Variants in THSD7A observed in about 807,000 individuals in gnomAD.
THSD7A encodes thrombospondin type-1 domain-containing protein 7A.
Under a neutral mutation model 231.3 loss-of-function variants are expected in THSD7A, and 96 were observed. The observed-to-expected ratio is 0.41, with a 90% CI of 0.35 to 0.49. THSD7A has a LOEUF of 0.49. THSD7A is among the 20% of genes least tolerant of loss of function. The probability of loss-of-function intolerance (pLI) is 0.05; values close to 1 mark genes in which losing one functional copy is unlikely to be tolerated. For synonymous variants in THSD7A, 940 were observed against 743.3 expected (o/e 1.26, Z -4.30); for missense variants, 2,290 against 2,070.2 (o/e 1.11, Z -2.06).
At position 11,444,014 on chromosome 7, in the gene THSD7A, G is replaced by T. The variant is rs918772176; in HGVS notation, c.3064+2047C>A. Among the ~76,000 whole-genome samples, 1 of 152,020 alleles carries T rather than the reference G, an allele frequency of 6.6e-6. No individual in the cohort carries two copies. Among genetic ancestry groups the T allele is most frequent in the Non-Finnish European group, 1.5e-5 (1 of 68,014 alleles). On this transcript the variant is annotated intron_variant, in intron 13 of 27. Coordinates refer to ENST00000423059, the MANE Select transcript of THSD7A (RefSeq NM_015204.3). This position sits in a 1 kb window ranked among gnomAD's most constrained non-coding sequence, Gnocchi z 4.2. ...GGATATGAACAGGCAGTTCTCAAAA[G>T]ACGACATTTATGTGGCTAACAAACA...
intron 1 of THSD7A, among the ~76,000 whole-genome samples, chr7:11,826,763 G>A (rs1350125730): frequency 6.9e-6 from 1 of 144,202 alleles, no homozygotes. Context: ...AGTGAGCCAA[G>A]ATCATGCCAC....
At chr7:11,470,888 C>T (rs1350038869) in intron 8 of THSD7A, among the ~76,000 whole-genome samples, 1 of 151,806 alleles carries the variant, frequency 6.6e-6, no homozygotes, top group African/African-American at 2.4e-5. Context: ...TTCATATAAG[C>T]TTTCACTTCT....
chr7:11,763,003 A>C (rs1400005399), intron 1 of THSD7A, among the ~76,000 whole-genome samples: 1 of 152,200 alleles, frequency 6.6e-6, no homozygotes, highest in East Asian at 1.9e-4. Flanking sequence ...AACAATCCTA[A>C]GCAAACATAA....
intron 4 of THSD7A, among the ~76,000 whole-genome samples, chr7:11,555,350 G>T (rs550863767): frequency 6.6e-6 from 1 of 152,018 alleles, no homozygotes; most frequent in South Asian, 2.1e-4. Flanking sequence ...TGATTGTTTA[G>T]AAGTGTGTTG....
chr7:11,419,670 G>C (rs545871312), intron 16 of THSD7A, among the ~76,000 whole-genome samples: 170 of 152,316 alleles, frequency 1.1e-3, no homozygotes, highest in African/African-American at 3.9e-3. Flanking sequence ...AATGGGCAGA[G>C]GTTGGAACAG....
In THSD7A at chr7:11,444,696, C is replaced by T. The variant is rs1784906170; in HGVS notation, c.3064+1365G>A. On this transcript the variant is annotated intron_variant, in intron 13 of 27. Transcript: ENST00000423059. This position sits in a 1 kb window ranked among gnomAD's most constrained non-coding sequence, Gnocchi z 4.2. ...AGCAAACCACCATGGTACGTGTATACCTATGTTGCAAACCTGCACTTTCTG... is the reference window on the plus strand; with the variant it reads ...AGCAAACCACCATGGTACGTGTATATCTATGTTGCAAACCTGCACTTTCTG... Among the ~76,000 whole-genome samples the T allele has an allele frequency of 1.3e-5, 2 of 151,270 alleles. No individual in the cohort carries two copies. The highest frequency in any genetic ancestry group is 2.4e-5 in the African/African-American group (1 of 41,136).
At chr7:11,407,269 G>T in intron 20 of THSD7A, 37 bp downstream of exon 20, 2 of 1,536,724 alleles carry the variant, frequency 1.3e-6, no homozygotes, top group South Asian at 1.2e-5. Context: ...CATATTCCTT[G>T]ACCAGTAGCC....
chr7:11,740,877 A>G (rs927479432), intron 1 of THSD7A, among the ~76,000 whole-genome samples: 2 of 152,036 alleles, frequency 1.3e-5, no homozygotes, highest in Admixed American at 6.6e-5. Flanking sequence ...GTCCTGGAAC[A>G]TAGTAAGCAC....
At chr7:11,546,329 C>T (rs1471389644) in intron 4 of THSD7A, among the ~76,000 whole-genome samples, 1 of 152,174 alleles carries the variant, frequency 6.6e-6, no homozygotes, top group Non-Finnish European at 1.5e-5. Context: ...TGCCAGCACC[C>T]TCCATCAGAG....
intron 7 of THSD7A, among the ~76,000 whole-genome samples, chr7:11,476,681 G>A (rs1156895065): frequency 6.6e-6 from 1 of 151,938 alleles, no homozygotes; most frequent in Non-Finnish European, 1.5e-5. Context: ...GTCAGGCATG[G>A]TGGTGCTCCT....
chr7:11,752,360 C>T (rs1229577224), intron 1 of THSD7A, among the ~76,000 whole-genome samples: 1 of 152,002 alleles, frequency 6.6e-6, no homozygotes, highest in Non-Finnish European at 1.5e-5. Context: ...TGTGCACCCC[C>T]ACATTTTTCT....
chr7:11,829,802 T>TA (rs36013878), intron 1 of THSD7A, among the ~76,000 whole-genome samples: 6,583 of 142,632 alleles, frequency 0.046, 177 homozygotes, highest in Middle Eastern at 0.068. Flanking sequence ...TTCCCTTTGG[T>TA]AAAAAAAAAA....
At chr7:11,470,193 C>A (rs1785880144) in intron 8 of THSD7A, among the ~76,000 whole-genome samples, 199 bp from the exon 9 acceptor site, 1 of 152,022 alleles carries the variant, frequency 6.6e-6, no homozygotes, top group Non-Finnish European at 1.5e-5. Flanking sequence ...CTCAATAAAG[C>A]CTCTCAAGGA....
intron 13 of THSD7A, among the ~76,000 whole-genome samples, chr7:11,440,581 T>C (rs570814914): frequency 1.3e-5 from 2 of 152,134 alleles, no homozygotes; most frequent in Admixed American, 1.3e-4. Flanking sequence ...TTGGTTCTCA[T>C]GGATGACTTT....
chr7:11,409,060 A>C (rs573790034), intron 19 of THSD7A, among the ~76,000 whole-genome samples: 22 of 152,314 alleles, frequency 1.4e-4, no homozygotes, highest in Admixed American at 3.9e-4. Context: ...CATTGATCAT[A>C]TCTCTCTTTT....
chr7:11,581,573 A>C (rs1343878923), intron 4 of THSD7A, among the ~76,000 whole-genome samples: 1 of 152,090 alleles, frequency 6.6e-6, no homozygotes, highest in Non-Finnish European at 1.5e-5. Context: ...TCTATCCTTC[A>C]ATTTTAGAAG....
At chr7:11,781,845 G>GA (rs1036411555) in intron 1 of THSD7A, among the ~76,000 whole-genome samples, 5 of 152,056 alleles carry the variant, frequency 3.3e-5, no homozygotes, top group African/African-American at 1.2e-4. Context: ...AACTTTAAAA[G>GA]AAAAAAGTGC....
chr7:11,601,104 T>C (rs1013910889), intron 2 of THSD7A, among the ~76,000 whole-genome samples: 2 of 152,244 alleles, frequency 1.3e-5, no homozygotes, highest in African/African-American at 4.8e-5. Context: ...TGACATCTTC[T>C]GTAATTCCTC....
chr7:11,727,017 G>C (rs969434658), intron 1 of THSD7A, among the ~76,000 whole-genome samples: 4 of 151,936 alleles, frequency 2.6e-5, no homozygotes, highest in African/African-American at 7.2e-5. Context: ...CAGGCAGCAA[G>C]AGTTCCCAGG....
Sources: allele counts gnomAD v4.1 joint callset (sites outside exome capture counted in the v4.1 genomes callset), GRCh38; gene constraint gnomAD v4.1.1; non-coding constraint Gnocchi (gnomAD v3.1); transcripts MANE v1.5; gene names NCBI Gene and HGNC (gene_info 2026-07-23, HGNC 2026-07-21).